Variants in RABEP1 observed in about 807,000 individuals in gnomAD.
RABEP1 encodes rab GTPase-binding effector protein 1.
RABEP1 carries 51 observed loss-of-function variants against 123.4 expected under a neutral mutation model. The observed-to-expected ratio is 0.41, with a 90% CI of 0.33 to 0.52. RABEP1 has a LOEUF of 0.52. RABEP1 is among the 20% of genes least tolerant of loss of function. The probability of loss-of-function intolerance (pLI) is 0.16; values close to 1 mark genes in which losing one functional copy is unlikely to be tolerated. For missense variants in RABEP1, 888 were observed against 996.3 expected (o/e 0.89, Z 1.46); for synonymous variants, 347 against 355.2 (o/e 0.98, Z 0.26).
Position 5,300,615 on chromosome 17 carries a change from C to T in RABEP1, c.35-8079C>T, listed in dbSNP as rs1047533096. ...ATGTTATGAAATCAGCCAGGTTGAT[C>T]GTAAGCAGATTTTTCAAGTGTTTCC... On this transcript the variant is annotated intron_variant, in intron 1 of 17. Transcript: ENST00000537505. Among the ~76,000 whole-genome samples, 4 of 152,092 alleles carry T rather than the reference C, an allele frequency of 2.6e-5. No homozygotes were observed. The East Asian group carries it at 5.8e-4, about 22-fold the overall frequency.
At chr17:5,365,583 CAT>C (rs759484808) in intron 11 of RABEP1, among the ~76,000 whole-genome samples, 15 of 151,644 alleles carry the variant, frequency 9.9e-5, no homozygotes, top group Middle Eastern at 3.4e-3. Context: ...AAAAAAAAAA[CAT>C]ATACAGATAC....
At chr17:5,339,090 G>A (rs1374227766) in intron 5 of RABEP1, among the ~76,000 whole-genome samples, 1 of 152,104 alleles carries the variant, frequency 6.6e-6, no homozygotes, top group Non-Finnish European at 1.5e-5. Context: ...CCGGGAGTTT[G>A]AGACTACAGT....
rs537959627 is a variant in RABEP1 at position 5,301,649 on chromosome 17, A to T, written c.35-7045A>T. On this transcript the variant is annotated intron_variant, in intron 1 of 17. Coordinates refer to ENST00000537505, the MANE Select transcript of RABEP1 (RefSeq NM_004703.6). ...TTTTACGTTGTGGCACAAACTCCTT[A>T]TCTCATTCTTAGACCAGTAACAGTC... Among the ~76,000 whole-genome samples the T allele has an allele frequency of 2.6e-4, 39 of 152,250 alleles. No individual in the cohort carries two copies. In the South Asian group the frequency reaches 7.0e-3, roughly 27 times the overall value.
At chr17:5,332,369 G>T (rs2144600164) in intron 3 of RABEP1, among the ~76,000 whole-genome samples, 1 of 152,214 alleles carries the variant, frequency 6.6e-6, no homozygotes, top group African/African-American at 2.4e-5. Flanking sequence ...TTATAATAGG[G>T]ATGTTATAGA....
rs75372377 is a variant in RABEP1 at position 5,333,097 on chromosome 17, A to T, written c.367+945A>T. 6.7e-4 allele frequency among the ~76,000 whole-genome samples: 102 copies of T among 152,282 alleles called. 1 individual carries two copies. Among genetic ancestry groups the T allele is most frequent in the Middle Eastern group, 6.8e-3 (2 of 294 alleles). Reference sequence around the variant, plus strand: ...TGAATTACTTCCCAAATTTCTGAGAAGATGATGATGAAACAAAGTAAGTGG... The same window carrying T: ...TGAATTACTTCCCAAATTTCTGAGATGATGATGATGAAACAAAGTAAGTGG... On this transcript the variant is annotated intron_variant, in intron 3 of 17. Transcript: ENST00000537505.
intron 6 of RABEP1, among the ~76,000 whole-genome samples, chr17:5,348,462 G>A (rs951911397): frequency 6.6e-6 from 1 of 152,204 alleles, no homozygotes; most frequent in Non-Finnish European, 1.5e-5. Flanking sequence ...CAAAATGTGA[G>A]GTTGGAGCAG....
At chr17:5,307,009 A>G (rs2075185109) in intron 1 of RABEP1, among the ~76,000 whole-genome samples, 1 of 152,182 alleles carries the variant, frequency 6.6e-6, no homozygotes, top group African/African-American at 2.4e-5. Flanking sequence ...ATATCTGCAT[A>G]GAAGAGAACT....
Position 5,386,278 on chromosome 17 carries a change from T to C in RABEP1, c.*3055T>C, listed in dbSNP as rs375050158. ...CCCTTATATGTTCACCCCTGTAAAATTGTAAAGTCACTCACTTTTGGAATT... is the reference window on the plus strand; with the variant it reads ...CCCTTATATGTTCACCCCTGTAAAACTGTAAAGTCACTCACTTTTGGAATT... On this transcript the variant is annotated 3_prime_UTR_variant, in exon 18 of 18. Coordinates refer to ENST00000537505, the MANE Select transcript of RABEP1 (RefSeq NM_004703.6). The C allele has an allele frequency of 3.1e-5, 50 of 1,595,602 alleles. No individual in the cohort carries two copies. The highest frequency in any genetic ancestry group is 4.0e-5 in the African/African-American group (3 of 74,214).
intron 7 of RABEP1, 25 bp downstream of exon 7, chr17:5,350,654 T>A: frequency 6.2e-7 from 1 of 1,611,440 alleles, no homozygotes; most frequent in Non-Finnish European, 8.5e-7. Context: ...TTAGGACTGA[T>A]TTGCTTTGTC....
At chr17:5,332,360 TATA>T (rs1238963284) in intron 3 of RABEP1, among the ~76,000 whole-genome samples, 1 of 152,186 alleles carries the variant, frequency 6.6e-6, no homozygotes, top group African/African-American at 2.4e-5. Flanking sequence ...AATGGAGAGT[TATA>T]ATAGGGATGT....
Position 5,374,818 on chromosome 17 carries a change from T to C in RABEP1, c.2025+1364T>C, listed in dbSNP as rs548856911. Among the ~76,000 whole-genome samples the C allele has an allele frequency of 8.5e-5, 13 of 152,144 alleles. No homozygotes were observed. In the South Asian group the frequency reaches 2.7e-3, roughly 32 times the overall value. On this transcript the variant is annotated intron_variant, in intron 13 of 17. Transcript: ENST00000537505. ...TGTGCCTGGCAAATTTTTTAAAATA[T>C]TTTTTAGTAGAGATGGGGTTTCACC...
intron 1 of RABEP1, among the ~76,000 whole-genome samples, chr17:5,295,219 T>TA (rs998875334): frequency 2.4e-4 from 36 of 149,432 alleles, no homozygotes; most frequent in East Asian, 1.2e-3. Flanking sequence ...CCGTCTCTAC[T>TA]AAAAAAAAAT....
At chr17:5,361,989 G>T in intron 9 of RABEP1, 1 of 265,556 alleles carries the variant, frequency 3.8e-6, no homozygotes, top group Non-Finnish European at 7.2e-6. Flanking sequence ...CCTGGATTTG[G>T]TTTGCTTTGC....
intron 2 of RABEP1, among the ~76,000 whole-genome samples, chr17:5,328,180 A>C (rs927782599): frequency 6.6e-6 from 1 of 152,242 alleles, no homozygotes; most frequent in Non-Finnish European, 1.5e-5. Context: ...GACAGTTGTT[A>C]CCTCAGAGGA....
intron 1 of RABEP1, among the ~76,000 whole-genome samples, chr17:5,303,817 G>T (rs988799874): frequency 2.6e-5 from 4 of 152,078 alleles, no homozygotes; most frequent in African/African-American, 9.7e-5. Context: ...CAGATCACTT[G>T]AGGTCAGGAG....
chr17:5,332,095 G>A lies in RABEP1; in HGVS notation c.310G>A (p.Asp104Asn), dbSNP rs1174151114. ...TGAGAACACCAAGCAAGAAGCTATA[G>A]ATGAAGTGAAAAGACAGTGGAGAGA... The part of the protein sequence containing the change: ...VSENTKQEAI[D>N]EVKRQWREEV... The change falls in exon 3 of 18, where the codon GAT becomes AAT. Residue 104 changes from aspartate (D) to asparagine (N), a missense_variant. By Grantham distance (23) the Asp-to-Asn change is conservative. Transcript: ENST00000537505. 6.2e-7 allele frequency: 1 copy of A among 1,614,118 alleles called. No homozygotes were observed. The highest frequency in any genetic ancestry group is 8.5e-7 in the Non-Finnish European group (1 of 1,180,018).
chr17:5,300,735 T>C (rs2075128974), intron 1 of RABEP1, among the ~76,000 whole-genome samples: 1 of 152,208 alleles, frequency 6.6e-6, no homozygotes, highest in Non-Finnish European at 1.5e-5. Context: ...AGTATGGTAG[T>C]GGGAGTGACA....
chr17:5,337,055 G>A (rs1441566769), intron 4 of RABEP1, among the ~76,000 whole-genome samples: 1 of 152,184 alleles, frequency 6.6e-6, no homozygotes, highest in African/African-American at 2.4e-5. Context: ...CTGCGTGTAA[G>A]TGTATGTGTA....
intron 1 of RABEP1, among the ~76,000 whole-genome samples, chr17:5,302,275 C>T (rs12601502): frequency 0.2 from 23,596 of 120,980 alleles, 2,148 homozygotes; most frequent in African/African-American, 0.29. Flanking sequence ...GAGTCTTGCT[C>T]TGTTGCCCAG....
Sources: gnomAD v4.1 joint callset for allele counts (sites outside exome capture counted in the v4.1 genomes callset) on GRCh38, gnomAD v4.1.1 for gene constraint, MANE v1.5 for transcripts, NCBI Gene and HGNC (gene_info 2026-07-23, HGNC 2026-07-21) for gene names.